P2RX4: variants seen among roughly 807,000 people sequenced by gnomAD.
P2RX4 encodes the protein purinergic receptor P2X 4.
Under a neutral mutation model 48.0 loss-of-function variants are expected in P2RX4, and 37 were observed. The observed-to-expected ratio is 0.77, with a 90% CI of 0.59 to 1.01. P2RX4 has a LOEUF of 1.01. P2RX4 is among the 50% of genes least tolerant of loss of function. The pLI, the probability that P2RX4 is intolerant of heterozygous loss-of-function variation, is 0.00. For synonymous variants in P2RX4, 200 were observed against 199.7 expected (o/e 1.00, Z -0.01); for missense variants, 501 against 521.4 (o/e 0.96, Z 0.38).
chr12:121,217,222 A>G lies in P2RX4; in HGVS notation c.223A>G (p.Asn75Asp), dbSNP rs761894408. 6.2e-7 allele frequency: 1 copy of G among 1,614,234 alleles called. No individual in the cohort carries two copies. Among genetic ancestry groups the G allele is most frequent in the Non-Finnish European group, 8.5e-7 (1 of 1,180,038 alleles). ...CAAGGTCAAGGGCGTGGCTGTGACC[A>G]ACACTTCTAAACTTGGATTCCGGAT... ...TTKVKGVAVT[N>D]TSKLGFRIWD... Residue 75 changes from asparagine to aspartate, a missense_variant, in exon 2 of 12, where the codon AAC becomes GAC. Physicochemically the swap from Asn to Asp is conservative, Grantham distance 23 (BLOSUM62 1). This residue lies in a region of P2RX4 where 295 missense variants were observed against 275.3 expected (regional missense o/e 1.07). Coordinates refer to ENST00000337233, the MANE Select transcript of P2RX4 (RefSeq NM_002560.3).
intron 8 of P2RX4, among the ~76,000 whole-genome samples, chr12:121,231,014 G>A (rs1043829221): frequency 2.0e-5 from 3 of 148,110 alleles, no homozygotes; most frequent in Non-Finnish European, 4.4e-5. Flanking sequence ...TTAAGGGAGT[G>A]ACTTGCTCTG....
intron 5 of P2RX4, among the ~76,000 whole-genome samples, chr12:121,226,731 T>A (rs1389869915): frequency 6.6e-6 from 1 of 152,144 alleles, no homozygotes; most frequent in Non-Finnish European, 1.5e-5. Context: ...TACACAGGTG[T>A]GTGTGTGGGT....
chr12:121,211,894 C>G (rs1228916680), intron 1 of P2RX4, among the ~76,000 whole-genome samples: 1 of 151,636 alleles, frequency 6.6e-6, no homozygotes. Flanking sequence ...AGGCTGGTCT[C>G]GAACTCCTGG....
chr12:121,230,456 C>A (rs1887269969), intron 8 of P2RX4, among the ~76,000 whole-genome samples: 1 of 152,226 alleles, frequency 6.6e-6, no homozygotes, highest in South Asian at 2.1e-4. Flanking sequence ...GCACTTGCCT[C>A]CCCCTAGTGG....
intron 2 of P2RX4, among the ~76,000 whole-genome samples, chr12:121,221,093 CCT>C (rs1481292888): frequency 1.3e-5 from 2 of 151,942 alleles, no homozygotes; most frequent in Non-Finnish European, 2.9e-5. Flanking sequence ...GGCTCAGCCC[CCT>C]GAGTAGCTGG....
At chr12:121,228,405 TAC>T (rs750441530) in intron 5 of P2RX4, 126 bp from the exon 6 acceptor site, 2,342 of 228,142 alleles carry the variant, frequency 0.01, no homozygotes, top group South Asian at 0.026. Flanking sequence ...TATATATATA[TAC>T]ACACACACAC....
chr12:121,218,128 CT>C (rs755299137), intron 2 of P2RX4, among the ~76,000 whole-genome samples: 13 of 152,164 alleles, frequency 8.5e-5, no homozygotes. Context: ...GTTCTTCCCC[CT>C]GCCTTCTCAA....
chr12:121,233,151 C>A, intron 11 of P2RX4, 59 bp downstream of exon 11: 2 of 1,246,150 alleles, frequency 1.6e-6, no homozygotes, highest in Non-Finnish European at 2.3e-6. Context: ...TGTGGGAGCC[C>A]TGGGCGTGGG....
intron 5 of P2RX4, 63 bp from the exon 6 acceptor site, chr12:121,228,470 T>A (rs897682690): frequency 2.2e-6 from 2 of 913,382 alleles, no homozygotes; most frequent in Non-Finnish European, 3.4e-6. Context: ...TATATATATA[T>A]AACATGGTTA....
chr12:121,232,205 A>T lies in P2RX4; in HGVS notation c.885-209A>T, dbSNP rs1186322608. Among the ~76,000 whole-genome samples the T allele has an allele frequency of 6.6e-6, 1 of 151,952 alleles. No homozygotes were observed. The highest frequency in any genetic ancestry group is 1.5e-5 in the Non-Finnish European group (1 of 67,974). ...GAGAGGACACTGGTGCTGGAGGAGG[A>T]GGTCTCCCTGTGCCCCTGTACCTCG... is the stretch of plus-strand genomic sequence containing the variant. On this transcript the variant is annotated intron_variant, in intron 8 of 11. Transcript: ENST00000337233. The surrounding 1 kb of genome is among the most constrained non-coding windows in gnomAD (Gnocchi z 4.3).
chr12:121,227,425 T>TG (rs1422536942), intron 5 of P2RX4, among the ~76,000 whole-genome samples: 2 of 152,270 alleles, frequency 1.3e-5, no homozygotes, highest in Non-Finnish European at 2.9e-5. Flanking sequence ...CCGGCGCACC[T>TG]GCTGGCGGGT....
intron 5 of P2RX4, among the ~76,000 whole-genome samples, chr12:121,228,290 G>A (rs1409881056): frequency 6.7e-6 from 1 of 150,274 alleles, no homozygotes; most frequent in Non-Finnish European, 1.5e-5. Flanking sequence ...AGCTACACGG[G>A]AGGCTGAGGT....
In P2RX4 at chr12:121,210,171, G is replaced by GGCTGCTGCGCCGC; in HGVS notation, c.12_24dup (p.Ala9LeufsTer54). 1 of 1,521,422 alleles carries GGCTGCTGCGCCGC rather than the reference G, an allele frequency of 6.6e-7. No homozygotes were observed. Among genetic ancestry groups the GGCTGCTGCGCCGC allele is most frequent in the Non-Finnish European group, 8.8e-7 (1 of 1,142,122 alleles). 94.2% of individuals were successfully genotyped at this position (1,521,422 alleles called of 1,614,324 possible). A position where few individuals can be genotyped will look rare whatever the true frequency, so the allele number is the denominator to read the frequency against. On this transcript the variant is annotated frameshift_variant, in exon 1 of 12. Coordinates refer to ENST00000337233, the MANE Select transcript of P2RX4 (RefSeq NM_002560.3). LOFTEE classifies it high-confidence loss of function. Reference sequence around the variant, plus strand: ...GGGAGCGGGCGGCGCGGCCATGGCGGGCTGCTGCGCCGCGCTGGCGGCCTT... The same window carrying GGCTGCTGCGCCGC: ...GGGAGCGGGCGGCGCGGCCATGGCGGGCTGCTGCGCCGCGCTGCTGCGCCGCGCTGGCGGCCTT...
At chr12:121,210,420 C>T (rs1593192095) in intron 1 of P2RX4, 122 bp downstream of exon 1, 6 of 1,011,206 alleles carry the variant, frequency 5.9e-6, no homozygotes, top group South Asian at 3.2e-5. Flanking sequence ...GGCGGTGACA[C>T]CTTCCCTGGG....
chr12:121,227,662 A>G (rs1043525430), intron 5 of P2RX4, among the ~76,000 whole-genome samples: 6 of 152,234 alleles, frequency 3.9e-5, no homozygotes, highest in African/African-American at 1.4e-4. Context: ...TGAGGGGAAG[A>G]ACCTGGAAGG....
At chr12:121,223,286 C>T (rs376224201) in intron 5 of P2RX4, 18 of 430,502 alleles carry the variant, frequency 4.2e-5, no homozygotes, top group Non-Finnish European at 4.3e-5. Context: ...ATGTTGGCCA[C>T]GCTGGTCTCC....
intron 11 of P2RX4, 178 bp downstream of exon 11, chr12:121,233,270 G>A (rs1050693363): frequency 6.2e-6 from 4 of 640,642 alleles, no homozygotes; most frequent in African/African-American, 5.5e-5. Context: ...CTAGGCCCCT[G>A]TACTAGATTG....
At chr12:121,223,568 G>A (rs1044287914) in intron 5 of P2RX4, 8 of 174,892 alleles carry the variant, frequency 4.6e-5, no homozygotes, top group Admixed American at 3.8e-4. Context: ...GCCACAAGTA[G>A]TCTGTCACTC....
intron 1 of P2RX4, 78 bp downstream of exon 1, chr12:121,210,376 G>A: frequency 2.3e-6 from 3 of 1,327,458 alleles, no homozygotes; most frequent in Admixed American, 4.0e-5. Context: ...TCCTGGCCTC[G>A]GTCACCTGGG....
Sources: allele counts gnomAD v4.1 joint callset (sites outside exome capture counted in the v4.1 genomes callset), GRCh38; gene constraint gnomAD v4.1.1; regional missense constraint gnomAD v4.1.1; non-coding constraint Gnocchi (gnomAD v3.1); transcripts MANE v1.5; gene names NCBI Gene and HGNC (gene_info 2026-07-23, HGNC 2026-07-21).